Variants in ARMH4 observed in about 807,000 individuals in gnomAD.
The protein encoded by ARMH4 is armadillo-like helical domain-containing protein 4.
ARMH4 carries 49 observed loss-of-function variants against 61.9 expected under a neutral mutation model. The observed-to-expected ratio is 0.79, with a 90% confidence interval of 0.63 to 1.00. The LOEUF is 1.00. Ranked by LOEUF, ARMH4 falls within the 50% of genes least tolerant of loss-of-function variation. The pLI, the probability that ARMH4 is intolerant of heterozygous loss-of-function variation, is 0.00. For synonymous variants in ARMH4, 368 were observed against 341.5 expected, an observed-to-expected ratio of 1.08 and a Z score of -0.85; for missense variants, 934 against 930.0, an observed-to-expected ratio of 1.00 and a Z score of -0.06.
chr14:58,046,390 A>G lies in ARMH4; in HGVS notation c.2090-34240T>C, dbSNP rs1057373120. On this transcript the variant is annotated intron_variant, in intron 5 of 7. Transcript: ENST00000267485. ...TCTGGCCTCAATATATTATATTTAA[A>G]TTGTACTTTTCTTCCAAGAACACTT... Among the ~76,000 whole-genome samples the G allele has an allele frequency of 4.6e-5, 7 of 152,292 alleles. No homozygotes were observed. In the South Asian group the frequency reaches 1.2e-3, roughly 27 times the overall value.
chr14:58,074,208 C>A (rs773199848), intron 5 of ARMH4, among the ~76,000 whole-genome samples: 4 of 152,174 alleles, frequency 2.6e-5, no homozygotes, highest in Non-Finnish European at 5.9e-5. Flanking sequence ...TCCCATGCAG[C>A]CAATTGATTC....
intron 5 of ARMH4, among the ~76,000 whole-genome samples, chr14:58,076,415 T>A (rs1247181461): frequency 1.3e-5 from 2 of 152,200 alleles, no homozygotes; most frequent in Non-Finnish European, 2.9e-5. Context: ...GCTCAGTGAC[T>A]GGAAAGGACT....
rs1191743691 is a variant in ARMH4, at chr14:58,139,294, GC to G, written c.64del (p.Ala22ProfsTer10). On this transcript the variant is annotated frameshift_variant, in exon 2 of 8. Coordinates refer to ENST00000267485, the MANE Select transcript of ARMH4 (RefSeq NM_001001872.4). LOFTEE classifies it high-confidence loss of function. ...TTTGGGGAAGGCCAGACATTGTGTG[GC>G]AACGCTGAAAAGCAGAAGGCTACAG... Reference protein sequence around the residue: ...AFCSLLLFSVATQCLAFPKIE... With the variant: ...AFCSLLLFSVXTQCLAFPKIE... 6.2e-7 allele frequency: 1 copy of G among 1,614,030 alleles called. No individual in the cohort carries two copies. Among genetic ancestry groups the G allele is most frequent in the African/African-American group, 1.3e-5 (1 of 74,906 alleles).
chr14:58,078,057 C>T (rs1885103567), intron 5 of ARMH4, among the ~76,000 whole-genome samples: 1 of 152,200 alleles, frequency 6.6e-6, no homozygotes, highest in Non-Finnish European at 1.5e-5. Context: ...AGCATTCTCT[C>T]CTACTCTAAG....
At chr14:58,049,442 T>C (rs1260015670) in intron 5 of ARMH4, among the ~76,000 whole-genome samples, 1 of 152,164 alleles carries the variant, frequency 6.6e-6, no homozygotes, top group Non-Finnish European at 1.5e-5. Context: ...AAAAGTAACA[T>C]GTATTTTAGG....
At chr14:58,141,449 C>T in intron 1 of ARMH4, 14 of 540,332 alleles carry the variant, frequency 2.6e-5, no homozygotes, top group South Asian at 1.9e-4. Flanking sequence ...CACACTCTCT[C>T]AGGCTACAAC....
intron 4 of ARMH4, among the ~76,000 whole-genome samples, chr14:58,121,551 A>G (rs1303087367): frequency 6.6e-6 from 1 of 152,260 alleles, no homozygotes; most frequent in Non-Finnish European, 1.5e-5. Context: ...TTGATTTTAA[A>G]TATTTTTGAA....
chr14:58,059,846 T>C (rs533530441), intron 5 of ARMH4, among the ~76,000 whole-genome samples: 44 of 152,294 alleles, frequency 2.9e-4, no homozygotes, highest in African/African-American at 1.0e-3. Context: ...CCCTAGACAC[T>C]GCGTTATATG....
intron 5 of ARMH4, among the ~76,000 whole-genome samples, chr14:58,018,443 G>C (rs1173860657): frequency 6.8e-6 from 1 of 147,968 alleles, no homozygotes; most frequent in Non-Finnish European, 1.5e-5. Flanking sequence ...AACAAATATG[G>C]GGGAAGGACT....
intron 4 of ARMH4, 44 bp downstream of exon 4, chr14:58,131,464 GACTC>G (rs1013239508): frequency 1.4e-6 from 2 of 1,452,140 alleles, no homozygotes; most frequent in Non-Finnish European, 1.9e-6. Flanking sequence ...TTTGCTCAGT[GACTC>G]ACTCAACCAG....
chr14:58,050,104 G>A (rs1489239792), intron 5 of ARMH4, among the ~76,000 whole-genome samples: 1 of 152,180 alleles, frequency 6.6e-6, no homozygotes. Context: ...GTGCACATCT[G>A]AGGTCCCATG....
intron 5 of ARMH4, among the ~76,000 whole-genome samples, chr14:58,083,899 C>T (rs1885304414): frequency 6.6e-6 from 1 of 152,176 alleles, no homozygotes. Context: ...CTGGCTTCTT[C>T]ATTAATAACG....
chr14:58,004,915 A>T, intron 7 of ARMH4, 111 bp from the exon 8 acceptor site: 1 of 1,516,550 alleles, frequency 6.6e-7, no homozygotes, highest in Non-Finnish European at 9.1e-7. Context: ...CAGGAGCTAC[A>T]GCAGCTAATC....
intron 2 of ARMH4, among the ~76,000 whole-genome samples, chr14:58,136,738 T>A (rs906016964): frequency 2.6e-5 from 4 of 152,170 alleles, no homozygotes; most frequent in African/African-American, 9.7e-5. Context: ...CCAATGTTGT[T>A]ATCTGTCCAA....
At chr14:58,069,678 G>A (rs1442351855) in intron 5 of ARMH4, among the ~76,000 whole-genome samples, 1 of 152,124 alleles carries the variant, frequency 6.6e-6, no homozygotes, top group Non-Finnish European at 1.5e-5. Flanking sequence ...CAAAGGTAAG[G>A]CTACAGGAAG....
intron 5 of ARMH4, among the ~76,000 whole-genome samples, chr14:58,057,217 A>G (rs993555051): frequency 5.9e-5 from 9 of 152,248 alleles, no homozygotes; most frequent in African/African-American, 1.9e-4. Context: ...AAGAAATACA[A>G]TAAGAAGTAT....
At chr14:58,056,845 T>C (rs1336568032) in intron 5 of ARMH4, among the ~76,000 whole-genome samples, 1 of 152,226 alleles carries the variant, frequency 6.6e-6, no homozygotes, top group Admixed American at 6.5e-5. Flanking sequence ...CCTAGTTTTC[T>C]AGTCTTTTGC....
chr14:58,030,871 C>T (rs1209061844), intron 5 of ARMH4, among the ~76,000 whole-genome samples: 1 of 152,182 alleles, frequency 6.6e-6, no homozygotes, highest in Non-Finnish European at 1.5e-5. Context: ...TATCCATACA[C>T]CCATCAATGG....
chr14:58,118,754 T>G (rs1016245974), intron 4 of ARMH4, among the ~76,000 whole-genome samples: 3 of 152,212 alleles, frequency 2.0e-5, no homozygotes, highest in African/African-American at 7.2e-5. Context: ...TTTCTTTCAC[T>G]TCTCAGTTTA....
Sources: gnomAD v4.1 joint callset for allele counts (sites outside exome capture counted in the v4.1 genomes callset) on GRCh38, gnomAD v4.1.1 for gene constraint, MANE v1.5 for transcripts, NCBI Gene and HGNC (gene_info 2026-07-23, HGNC 2026-07-21) for gene names.